POC1B: variants seen among roughly 807,000 people sequenced by gnomAD.
POC1B encodes POC1 centriolar protein homolog B.
A neutral mutation model predicts 60.6 loss-of-function variants in POC1B; 44 were observed. That is an observed-to-expected ratio of 0.73 (90% CI 0.57 to 0.93). The LOEUF is 0.93. POC1B is among the 40% of genes least tolerant of loss of function. The pLI, the probability that POC1B is intolerant of heterozygous loss-of-function variation, is 0.00. For synonymous variants in POC1B, 180 were observed against 198.9 expected, an observed-to-expected ratio of 0.90 and a Z score of 0.80; for missense variants, 555 against 572.3, an observed-to-expected ratio of 0.97 and a Z score of 0.31.
At chr12:89,523,272 C>T in intron 2 of POC1B, 1 of 1,614,044 alleles carries the variant, frequency 6.2e-7, no homozygotes, top group African/African-American at 1.3e-5. Flanking sequence ...TTTTCAAATA[C>T]CAGTCAAAGC....
In POC1B at chr12:89,425,323, A is replaced by T. The variant is rs1449922753; in HGVS notation, c.1170T>A (p.Tyr390Ter). ...LPDKGEEACG[Y>*]FLNPSLMSPE... ...GTGACATTAAGGAAGGGTTCAAGAA[A>T]TATCCACAGGCCTCTTCACCCTTGT... The change falls in exon 11 of 12, where the codon TAT becomes TAA. Residue 390 changes from tyrosine (Y) to a stop codon, truncating the protein, a stop_gained. Transcript: ENST00000313546. LOFTEE classifies it high-confidence loss of function. 6.2e-7 allele frequency: 1 copy of T among 1,614,020 alleles called. No homozygotes were observed. Among genetic ancestry groups the T allele is most frequent in the African/African-American group, 1.3e-5 (1 of 74,916 alleles).
At chr12:89,475,101 T>A (rs552182478) in intron 4 of POC1B, among the ~76,000 whole-genome samples, 6 of 152,174 alleles carry the variant, frequency 3.9e-5, no homozygotes, top group African/African-American at 1.4e-4. Flanking sequence ...ACAAAAAACA[T>A]AATTTTAGAA....
rs1348732580 is a variant in POC1B, at chr12:89,508,023, A to AT, written c.101-10682dup. On this transcript the variant is annotated intron_variant, in intron 2 of 11. Coordinates refer to ENST00000313546, the MANE Select transcript of POC1B (RefSeq NM_172240.3). Reference sequence around the variant, plus strand: ...CAGAATTCCAACATTACAAAACAGCATTTAATGAAATCTCCTTCTAGTCCT... The same window carrying AT: ...CAGAATTCCAACATTACAAAACAGCATTTTAATGAAATCTCCTTCTAGTCCT... 2.6e-5 allele frequency among the ~76,000 whole-genome samples: 4 copies of AT among 152,380 alleles called. No homozygotes were observed. In the East Asian group the frequency reaches 7.7e-4, roughly 29 times the overall value.
At chr12:89,479,615 AT>A (rs1300544091) in intron 4 of POC1B, among the ~76,000 whole-genome samples, 9 of 152,142 alleles carry the variant, frequency 5.9e-5, no homozygotes, top group African/African-American at 2.2e-4. Context: ...GAAACTACCT[AT>A]TCACCTCCTC....
At chr12:89,414,129 G>C in the POC1B span, among the ~76,000 whole-genome samples, 2 of 152,116 alleles carry the variant, frequency 1.3e-5, no homozygotes, top group Non-Finnish European at 2.9e-5. Context: ...CTGACCTCAA[G>C]TGATCCGCCC....
chr12:89,489,892 C>T (rs1301607785), intron 4 of POC1B, among the ~76,000 whole-genome samples: 1 of 152,194 alleles, frequency 6.6e-6, no homozygotes, highest in African/African-American at 2.4e-5. Flanking sequence ...ACTGCAGCAG[C>T]CACAGCATCT....
At chr12:89,410,962 C>T in the POC1B span, among the ~76,000 whole-genome samples, 1 of 152,268 alleles carries the variant, frequency 6.6e-6, no homozygotes, top group African/African-American at 2.4e-5. Flanking sequence ...CACAAGCATT[C>T]CTATACACCA....
chr12:89,435,179 CTTT>C (rs56061239), intron 10 of POC1B, among the ~76,000 whole-genome samples: 19 of 113,492 alleles, frequency 1.7e-4, no homozygotes, highest in Middle Eastern at 4.9e-3. Flanking sequence ...GAATGACATT[CTTT>C]TTTTTTTTTT....
At chr12:89,444,286 G>A (rs532250247) in intron 10 of POC1B, among the ~76,000 whole-genome samples, 1 of 152,250 alleles carries the variant, frequency 6.6e-6, no homozygotes, top group East Asian at 1.9e-4. Flanking sequence ...ACCAAAGCCT[G>A]GCAGAGACAC....
chr12:89,437,997 G>A (rs1170911937), intron 10 of POC1B, among the ~76,000 whole-genome samples: 1 of 150,720 alleles, frequency 6.6e-6, no homozygotes, highest in Non-Finnish European at 1.5e-5. Flanking sequence ...GTTGCAGTGA[G>A]CCGACATTGT....
intron 2 of POC1B, among the ~76,000 whole-genome samples, chr12:89,515,856 T>C (rs1233658642): frequency 6.6e-6 from 1 of 152,190 alleles, no homozygotes; most frequent in Non-Finnish European, 1.5e-5. Context: ...AACCAATTTA[T>C]AACCTTCATT....
intron 4 of POC1B, among the ~76,000 whole-genome samples, chr12:89,472,846 T>C (rs1261590145): frequency 6.6e-6 from 1 of 152,236 alleles, no homozygotes; most frequent in African/African-American, 2.4e-5. Flanking sequence ...AATTCATTTA[T>C]ACAGAACAGA....
intron 9 of POC1B, among the ~76,000 whole-genome samples, chr12:89,460,558 G>C (rs1445828177): frequency 1.3e-5 from 2 of 152,078 alleles, no homozygotes; most frequent in African/African-American, 4.8e-5. Flanking sequence ...AAAACTATTG[G>C]AAGTACCCTA....
intron 2 of POC1B, chr12:89,523,654 G>A (rs780470083): frequency 6.5e-7 from 1 of 1,537,068 alleles, no homozygotes; most frequent in Non-Finnish European, 8.7e-7. Flanking sequence ...GTCAATTCTT[G>A]ATATCCGCCT....
At chr12:89,505,254 A>G (rs1869838304) in intron 2 of POC1B, among the ~76,000 whole-genome samples, 1 of 152,216 alleles carries the variant, frequency 6.6e-6, no homozygotes, top group South Asian at 2.1e-4. Flanking sequence ...ACCACTTTGA[A>G]AATCTATTTT....
At chr12:89,480,822 G>C (rs367823230) in intron 4 of POC1B, among the ~76,000 whole-genome samples, 9 of 152,166 alleles carry the variant, frequency 5.9e-5, no homozygotes, top group South Asian at 2.1e-4. Context: ...GGATGGTCTC[G>C]ATCTCCTGAC....
At position 89,421,095 on chromosome 12, in the gene POC1B, T is replaced by C; in HGVS notation, c.*58A>G. The stretch of plus-strand genomic sequence containing the variant: ...GTATCTTGTACTACCTTCCTGAGTG[T>C]ATGTACATTTGTTCATTTATTGGGC... On this transcript the variant is annotated 3_prime_UTR_variant, in exon 12 of 12. Transcript: ENST00000313546. 7.7e-7 allele frequency: 1 copy of C among 1,293,148 alleles called. No individual in the cohort carries two copies. Among genetic ancestry groups the C allele is most frequent in the Non-Finnish European group, 1.1e-6 (1 of 918,836 alleles). The allele number at this position is 1,293,148 out of a possible 1,614,324, so 80.1% of individuals were successfully genotyped here.
chr12:89,457,317 A>G (rs7308186), intron 10 of POC1B, among the ~76,000 whole-genome samples: 110,878 of 152,104 alleles, frequency 0.73, 40,554 homozygotes, highest in Middle Eastern at 0.82. Flanking sequence ...ATGGAAAGGT[A>G]AATAGTTGAA....
At chr12:89,493,102 G>A (rs914581206) in intron 3 of POC1B, among the ~76,000 whole-genome samples, 4 of 152,048 alleles carry the variant, frequency 2.6e-5, no homozygotes, top group African/African-American at 7.2e-5. Flanking sequence ...CTTTGTACTC[G>A]GAACAGTCAC....
Sources: allele counts gnomAD v4.1 joint callset (sites outside exome capture counted in the v4.1 genomes callset), GRCh38; gene constraint gnomAD v4.1.1; transcripts MANE v1.5; gene names NCBI Gene and HGNC (gene_info 2026-07-23, HGNC 2026-07-21).